IGDCC3: variants seen among roughly 807,000 people sequenced by gnomAD.
IGDCC3 encodes immunoglobulin superfamily DCC subclass member 3.
Under a neutral mutation model 72.0 loss-of-function variants are expected in IGDCC3, and 47 were observed. The ratio of observed to expected loss-of-function variants is 0.65; its 90% confidence interval spans 0.52 to 0.83. The LOEUF (loss-of-function observed/expected upper bound fraction) is 0.83. Ranked by LOEUF, IGDCC3 falls within the 40% of genes least tolerant of loss-of-function variation. IGDCC3 has a pLI of 0.00. For synonymous variants in IGDCC3, 477 were observed against 472.8 expected, an observed-to-expected ratio of 1.01 and a Z score of -0.11; for missense variants, 1,038 against 1,091.3, an observed-to-expected ratio of 0.95 and a Z score of 0.69.
At position 65,333,435 on chromosome 15, in the gene IGDCC3, G is replaced by T; in HGVS notation, c.824-20C>A. 6.3e-7 allele frequency: 1 copy of T among 1,581,514 alleles called. No homozygotes were observed. The highest frequency in any genetic ancestry group is 1.2e-5 in the South Asian group (1 of 86,888). On this transcript the variant is annotated intron_variant, in intron 5 of 13. Coordinates refer to ENST00000327987, the MANE Select transcript of IGDCC3 (RefSeq NM_004884.4). ...GACCATCTGCAGAGGAAGGGGAGGG[G>T]GGATGGGTGAGGGTCAGATAGAGAT...
At chr15:65,376,542 G>A (rs968502632) in intron 1 of IGDCC3, among the ~76,000 whole-genome samples, 3 of 152,256 alleles carry the variant, frequency 2.0e-5, no homozygotes, top group African/African-American at 7.2e-5. Flanking sequence ...AGGGAGATGG[G>A]GAAATGGGTG....
intron 2 of IGDCC3, among the ~76,000 whole-genome samples, chr15:65,349,689 T>C (rs1005278412): frequency 1.3e-5 from 2 of 152,236 alleles, no homozygotes; most frequent in Admixed American, 6.5e-5. Flanking sequence ...TTGCTTTATG[T>C]TCTTGGGAGC....
At chr15:65,364,306 A>C (rs993583387) in intron 2 of IGDCC3, among the ~76,000 whole-genome samples, 1 of 152,332 alleles carries the variant, frequency 6.6e-6, no homozygotes, top group South Asian at 2.1e-4. Context: ...TCGTTTACTC[A>C]TCTGTAAAAC....
In IGDCC3 at chr15:65,331,216, T is replaced by A; in HGVS notation, c.1397-2A>T. On this transcript the variant is annotated splice_acceptor_variant, in intron 8 of 13. Transcript: ENST00000327987. LOFTEE classifies it high-confidence loss of function. Reference sequence around the variant, plus strand: ...CCTGATACTCCAGCTCCGGTGGGTCTGGAGAGGCACAGGGTGGGCAGGGGA... The same window carrying A: ...CCTGATACTCCAGCTCCGGTGGGTCAGGAGAGGCACAGGGTGGGCAGGGGA... 1 of 1,613,562 alleles carries A rather than the reference T, an allele frequency of 6.2e-7. No individual in the cohort carries two copies. The highest frequency in any genetic ancestry group is 8.5e-7 in the Non-Finnish European group (1 of 1,179,804).
At chr15:65,343,583 C>G (rs1054994279) in intron 2 of IGDCC3, among the ~76,000 whole-genome samples, 2 of 152,178 alleles carry the variant, frequency 1.3e-5, no homozygotes, top group African/African-American at 4.8e-5. Context: ...ATAAACCCAG[C>G]CCTTTATTGG....
At chr15:65,330,988 T>C (rs1313660833) in intron 9 of IGDCC3, 62 bp downstream of exon 9, 3 of 1,569,402 alleles carry the variant, frequency 1.9e-6, no homozygotes, top group African/African-American at 2.7e-5. Context: ...GTGTGCATGG[T>C]GGTTCTGCTC....
chr15:65,370,518 ATAT>A lies in IGDCC3; in HGVS notation c.409+4576_409+4578del, dbSNP rs1567072892. ...CGAGACTTGGTCTCAAAAAAAAAAT[ATAT>A]ATATATATATATATATTTATATATA... On this transcript the variant is annotated intron_variant, in intron 2 of 13. Coordinates refer to ENST00000327987, the MANE Select transcript of IGDCC3 (RefSeq NM_004884.4). Among the ~76,000 whole-genome samples, 404 of 92,612 alleles carry A rather than the reference ATAT, an allele frequency of 4.4e-3. 9 individuals carry two copies. The highest frequency in any genetic ancestry group is 0.018 in the African/African-American group (261 of 14,516). 60.8% of individuals were successfully genotyped at this position (92,612 alleles called of 152,430 possible). A position where few individuals can be genotyped will look rare whatever the true frequency, so the allele number is the denominator to read the frequency against.
chr15:65,361,680 G>T (rs747212266), intron 2 of IGDCC3, among the ~76,000 whole-genome samples: 23 of 132,470 alleles, frequency 1.7e-4, no homozygotes, highest in Non-Finnish European at 2.9e-4. Context: ...CCCGGGAAGC[G>T]AGGACACACG....
intron 2 of IGDCC3, among the ~76,000 whole-genome samples, chr15:65,345,621 TAAGAA>T (rs1166209770): frequency 1.1e-5 from 1 of 88,114 alleles, no homozygotes; most frequent in Non-Finnish European, 2.3e-5. Flanking sequence ...CAAAAATAAA[TAAGAA>T]AAGAAAGAAA....
chr15:65,369,821 G>C (rs1028359630), intron 2 of IGDCC3, among the ~76,000 whole-genome samples: 1 of 151,968 alleles, frequency 6.6e-6, no homozygotes, highest in Non-Finnish European at 1.5e-5. Context: ...TAAATACCAG[G>C]CTGTACTCCC....
intron 2 of IGDCC3, among the ~76,000 whole-genome samples, chr15:65,344,844 G>C (rs1160731309): frequency 6.6e-6 from 1 of 152,164 alleles, no homozygotes; most frequent in Admixed American, 6.5e-5. Context: ...GTGGGATGCA[G>C]GAAGGGCGCC....
At chr15:65,340,857 T>C (rs1052987067) in intron 2 of IGDCC3, among the ~76,000 whole-genome samples, 5 of 152,184 alleles carry the variant, frequency 3.3e-5, no homozygotes, top group African/African-American at 1.2e-4. Flanking sequence ...GCCTCCCAAG[T>C]AGCTGGGACT....
chr15:65,361,735 C>G (rs1465200309), intron 2 of IGDCC3, among the ~76,000 whole-genome samples: 8 of 152,184 alleles, frequency 5.3e-5, no homozygotes, highest in Non-Finnish European at 1.2e-4. Flanking sequence ...CTCGGGCACA[C>G]AGTTCGATGA....
At position 65,348,661 on chromosome 15, in the gene IGDCC3, A is replaced by G. The variant is rs570238420; in HGVS notation, c.410-12705T>C. 9.8e-5 allele frequency among the ~76,000 whole-genome samples: 15 copies of G among 152,328 alleles called. No individual in the cohort carries two copies. In the South Asian group the frequency reaches 3.1e-3, roughly 32 times the overall value. ...TAAAGGCCCCTCTTAATAAAAGGCA[A>G]GGATGCTTGACCGACCCCGGGTTAG... On this transcript the variant is annotated intron_variant, in intron 2 of 13. Coordinates refer to ENST00000327987, the MANE Select transcript of IGDCC3 (RefSeq NM_004884.4).
chr15:65,359,160 G>C (rs75168884), intron 2 of IGDCC3, among the ~76,000 whole-genome samples: 1,669 of 152,300 alleles, frequency 0.011, 37 homozygotes, highest in African/African-American at 0.038. Flanking sequence ...CCAAACCCAA[G>C]ACCATGAGTA....
intron 2 of IGDCC3, among the ~76,000 whole-genome samples, chr15:65,351,385 T>C (rs2091172084): frequency 2.6e-5 from 4 of 151,984 alleles, no homozygotes; most frequent in Admixed American, 6.6e-5. Flanking sequence ...ATACAAAAAA[T>C]TAGCTGGGTA....
intron 1 of IGDCC3, among the ~76,000 whole-genome samples, chr15:65,376,569 G>A (rs1330949312): frequency 6.6e-6 from 1 of 152,226 alleles, no homozygotes; most frequent in African/African-American, 2.4e-5. Flanking sequence ...AAGGAGGGGC[G>A]TTGGGGTTAT....
At chr15:65,372,299 G>A (rs576025001) in intron 2 of IGDCC3, among the ~76,000 whole-genome samples, 7 of 152,228 alleles carry the variant, frequency 4.6e-5, no homozygotes, top group Admixed American at 3.3e-4. Flanking sequence ...CCAGGGTCTC[G>A]TCCTTAACAA....
chr15:65,362,617 A>T (rs977894818), intron 2 of IGDCC3, among the ~76,000 whole-genome samples: 1 of 152,064 alleles, frequency 6.6e-6, no homozygotes, highest in African/African-American at 2.4e-5. Flanking sequence ...GGCCTTACTC[A>T]TCCTCTCCCC....
Sources: gnomAD v4.1 joint callset for allele counts (sites outside exome capture counted in the v4.1 genomes callset) on GRCh38, gnomAD v4.1.1 for gene constraint, MANE v1.5 for transcripts, NCBI Gene and HGNC (gene_info 2026-07-23, HGNC 2026-07-21) for gene names.